Variants in TGFBR1 observed in about 807,000 individuals in gnomAD.
The protein encoded by TGFBR1 is transforming growth factor beta receptor 1, also known as TGF-beta receptor type-1.
In TGFBR1, 20 loss-of-function variants were observed where a neutral mutation model predicts 55.1. That is an observed-to-expected ratio of 0.36 (90% CI 0.26 to 0.53). TGFBR1 has a LOEUF of 0.53. Among genes scored for constraint, TGFBR1 ranks in the 20% least tolerant of loss-of-function variants. The pLI is 0.91. For synonymous variants in TGFBR1, 220 were observed against 214.8 expected, an observed-to-expected ratio of 1.02 and a Z score of -0.21; for missense variants, 385 against 617.6, an observed-to-expected ratio of 0.62 and a Z score of 3.99.
chr9:99,105,741 G>T (rs1324264260), intron 1 of TGFBR1, among the ~76,000 whole-genome samples: 3 of 152,178 alleles, frequency 2.0e-5, no homozygotes, highest in African/African-American at 4.8e-5. Context: ...CGCCCCAAGA[G>T]GGTCCGTGCC....
rs141259922 is a variant in TGFBR1, at chr9:99,149,226, A to G, written c.1433A>G (p.Asn478Ser). 2.9e-4 allele frequency: 472 copies of G among 1,613,634 alleles called. No individual in the cohort carries two copies. Among genetic ancestry groups the G allele is most frequent in the Non-Finnish European group, 3.4e-4 (401 of 1,179,810 alleles). Residue 478 changes from asparagine (N) to serine (S), a missense_variant, in exon 9 of 9, where the codon AAT (asparagine) becomes AGT (serine). Asn to Ser is a conservative substitution (Grantham distance 46). Transcript: ENST00000374994. ...AKIMRECWYA[N>S]GAARLTALRI... ...ATTATGAGAGAATGTTGGTATGCCA[A>G]TGGAGCAGCTAGGCTTACAGCATTG...
intron 1 of TGFBR1, 45 bp from the exon 2 acceptor site, chr9:99,128,810 C>T (rs373205830): frequency 1.4e-5 from 23 of 1,609,124 alleles, no homozygotes; most frequent in African/African-American, 1.3e-4. Flanking sequence ...TAATTTCAAA[C>T]TGTTAACCTT....
intron 3 of TGFBR1, among the ~76,000 whole-genome samples, chr9:99,132,983 TTCAA>T (rs1827293191): frequency 6.6e-6 from 1 of 152,214 alleles, no homozygotes; most frequent in Non-Finnish European, 1.5e-5. Context: ...TGGTATAAAT[TTCAA>T]AGCGTTCTCA....
chr9:99,134,432 G>A (rs1166625629), intron 3 of TGFBR1, among the ~76,000 whole-genome samples: 2 of 152,084 alleles, frequency 1.3e-5, no homozygotes, highest in South Asian at 2.1e-4. Context: ...TAGTCTTTAG[G>A]CAGGCCTGGT....
At position 99,153,099 on chromosome 9, in the gene TGFBR1, A is replaced by G; in HGVS notation, c.*3794A>G. The G allele has an allele frequency of 4.4e-6, 1 of 226,900 alleles. No individual in the cohort carries two copies. The highest frequency in any genetic ancestry group is 8.8e-6 in the Non-Finnish European group (1 of 113,782). The allele number at this position is 226,900 out of a possible 1,614,324, so 14.1% of individuals were successfully genotyped here. On this transcript the variant is annotated 3_prime_UTR_variant, in exon 9 of 9. Coordinates refer to ENST00000374994, the MANE Select transcript of TGFBR1 (RefSeq NM_004612.4). ...CCCTTTTTCACGTTGTGCCAACGGAATAGGGTGTTTGATATTTCTTCATAT... is the reference window on the plus strand; with the variant it reads ...CCCTTTTTCACGTTGTGCCAACGGAGTAGGGTGTTTGATATTTCTTCATAT...
chr9:99,112,320 C>T (rs1239654054), intron 1 of TGFBR1, among the ~76,000 whole-genome samples: 1 of 151,360 alleles, frequency 6.6e-6, no homozygotes. Flanking sequence ...CCCTCACATA[C>T]CTGCATGGCT....
Position 99,153,344 on chromosome 9 carries a change from TTC to T in TGFBR1, c.*4041_*4042del, listed in dbSNP as rs1323529034. On this transcript the variant is annotated 3_prime_UTR_variant, in exon 9 of 9. Transcript: ENST00000374994. ...TACCCCAAATAACATCGTCTGTACT[TTC>T]TGTTTTCTGTATTGTATTTGTGCAG... is the stretch of plus-strand genomic sequence containing the variant. The T allele has an allele frequency of 1.8e-5, 4 of 217,052 alleles. No homozygotes were observed. The highest frequency in any genetic ancestry group is 6.7e-5 in the African/African-American group (3 of 44,494). The allele number at this position is 217,052 out of a possible 1,614,324, so 13.4% of individuals were successfully genotyped here. A position where few individuals can be genotyped will look rare whatever the true frequency, so the allele number is the denominator to read the frequency against.
At chr9:99,109,508 C>G (rs1466766900) in intron 1 of TGFBR1, among the ~76,000 whole-genome samples, 1 of 152,194 alleles carries the variant, frequency 6.6e-6, no homozygotes, top group Non-Finnish European at 1.5e-5. Flanking sequence ...CTTAGTTGAG[C>G]AGTTACAGGG....
upstream of TGFBR1, chr9:99,104,960 C>T: frequency 5.3e-6 from 1 of 189,672 alleles, no homozygotes; most frequent in Non-Finnish European, 1.1e-5. Context: ...CTCGCGGCTG[C>T]GGATTGGCTG....
intron 1 of TGFBR1, among the ~76,000 whole-genome samples, chr9:99,109,688 G>A (rs1826508974): frequency 6.6e-6 from 1 of 152,184 alleles, no homozygotes; most frequent in Non-Finnish European, 1.5e-5. Context: ...GCCTTTTGCA[G>A]TTCTTCCTTG....
intron 1 of TGFBR1, among the ~76,000 whole-genome samples, chr9:99,121,462 GACA>G (rs1826897597): frequency 6.6e-6 from 1 of 152,144 alleles, no homozygotes; most frequent in Non-Finnish European, 1.5e-5. Flanking sequence ...GAGAAAAGAG[GACA>G]CGTCTCCTTG....
chr9:99,105,025 C>T, upstream of TGFBR1: 6 of 399,530 alleles, frequency 1.5e-5, no homozygotes, highest in Non-Finnish European at 2.1e-5. Flanking sequence ...CAGCTCGCGG[C>T]GGCGGGGAGG....
chr9:99,153,183 C>T lies in TGFBR1; in HGVS notation c.*3878C>T, dbSNP rs190633391. The T allele has an allele frequency of 3.1e-5, 7 of 225,082 alleles. No homozygotes were observed. The highest frequency in any genetic ancestry group is 1.7e-4 in the Admixed American group (3 of 17,492). 13.9% of individuals were successfully genotyped at this position (225,082 alleles called of 1,614,324 possible). A position where few individuals can be genotyped will look rare whatever the true frequency, so the allele number is the denominator to read the frequency against. ...AAACTTAAATTACCTCTCAAGAGAC[C>T]AAGGTACATTTACCTCATTGTGTAT... On this transcript the variant is annotated 3_prime_UTR_variant, in exon 9 of 9. Coordinates refer to ENST00000374994, the MANE Select transcript of TGFBR1 (RefSeq NM_004612.4).
intron 6 of TGFBR1, among the ~76,000 whole-genome samples, chr9:99,145,124 A>G (rs1185118448): frequency 6.6e-6 from 1 of 152,190 alleles, no homozygotes; most frequent in African/African-American, 2.4e-5. Context: ...GTTAATTATA[A>G]TAACAGTAGT....
At chr9:99,107,448 C>T (rs1330330168) in intron 1 of TGFBR1, among the ~76,000 whole-genome samples, 4 of 152,194 alleles carry the variant, frequency 2.6e-5, no homozygotes, top group African/African-American at 9.7e-5. Flanking sequence ...ATGTATATCC[C>T]ATCTGAGAAT....
At chr9:99,144,178 T>C (rs535295031) in intron 5 of TGFBR1, among the ~76,000 whole-genome samples, 3 of 152,356 alleles carry the variant, frequency 2.0e-5, no homozygotes, top group Admixed American at 2.0e-4. Flanking sequence ...TACTGTATCA[T>C]ATGATAACTC....
chr9:99,112,387 T>A (rs1330908009), intron 1 of TGFBR1, among the ~76,000 whole-genome samples: 1 of 152,210 alleles, frequency 6.6e-6, no homozygotes, highest in Non-Finnish European at 1.5e-5. Context: ...TCAGTGAGGC[T>A]TATCCTGCCA....
intron 1 of TGFBR1, among the ~76,000 whole-genome samples, chr9:99,115,869 C>T (rs921535266): frequency 4.6e-5 from 7 of 151,998 alleles, no homozygotes; most frequent in African/African-American, 1.4e-4. Context: ...TATTTTGTCT[C>T]ATTTTACATT....
intron 3 of TGFBR1, among the ~76,000 whole-genome samples, chr9:99,136,616 CAGTT>C (rs1564159739): frequency 6.6e-6 from 1 of 152,100 alleles, no homozygotes; most frequent in African/African-American, 2.4e-5. Flanking sequence ...TAAACACAAA[CAGTT>C]ATTTATAGTT....
Sources: gnomAD v4.1 joint callset for allele counts (sites outside exome capture counted in the v4.1 genomes callset) on GRCh38, gnomAD v4.1.1 for gene constraint, MANE v1.5 for transcripts, NCBI Gene and HGNC (gene_info 2026-07-23, HGNC 2026-07-21) for gene names.